The following FAM161A variants were observed in gnomAD, a reference collection of about 807,000 sequenced individuals.
FAM161A encodes the protein protein FAM161A.
FAM161A carries 57 observed loss-of-function variants against 70.9 expected under a neutral mutation model. The ratio of observed to expected loss-of-function variants is 0.80; its 90% CI spans 0.65 to 1.00. FAM161A has a LOEUF of 1.00. Ranked by LOEUF, FAM161A falls within the 50% of genes least tolerant of loss-of-function variation. The probability of loss-of-function intolerance (pLI) is 0.00; values close to 1 mark genes in which losing one functional copy is unlikely to be tolerated. For synonymous variants in FAM161A, 299 were observed against 295.7 expected (o/e 1.01, Z -0.12); for missense variants, 880 against 836.0 (o/e 1.05, Z -0.65).
intron 1 of FAM161A, among the ~76,000 whole-genome samples, chr2:61,850,558 G>A (rs1057152867): frequency 6.6e-6 from 1 of 151,914 alleles, no homozygotes; most frequent in Admixed American, 6.6e-5. Context: ...TTCGAGACCA[G>A]CCTGGGGAAC....
the FAM161A span, among the ~76,000 whole-genome samples, chr2:61,806,287 C>T: frequency 1.3e-5 from 2 of 152,120 alleles, no homozygotes; most frequent in African/African-American, 4.8e-5. Context: ...TTTGAGGGCG[C>T]CATCGCTACT....
chr2:61,831,044 G>A (rs917935217), intron 5 of FAM161A, among the ~76,000 whole-genome samples: 6 of 149,560 alleles, frequency 4.0e-5, no homozygotes, highest in African/African-American at 9.8e-5. Flanking sequence ...CCCGGGAGGC[G>A]GAGGTTCCAG....
the FAM161A span, among the ~76,000 whole-genome samples, chr2:61,808,942 G>C: frequency 2.2e-3 from 338 of 151,050 alleles, 1 homozygote; most frequent in Non-Finnish European, 3.6e-3. Flanking sequence ...GTGTGATCTC[G>C]GCTCACTGCA....
At chr2:61,816,661 G>A in the FAM161A span, among the ~76,000 whole-genome samples, 4 of 152,034 alleles carry the variant, frequency 2.6e-5, no homozygotes, top group African/African-American at 9.7e-5. Flanking sequence ...CGGGGCGGGG[G>A]GGTCTTGCTA....
the FAM161A span, among the ~76,000 whole-genome samples, chr2:61,806,754 G>A: frequency 1.5e-5 from 2 of 132,138 alleles, no homozygotes; most frequent in South Asian, 2.4e-4. Flanking sequence ...GTGCAGTGGC[G>A]CCATCTCGGC....
chr2:61,829,128 G>A (rs551198424), intron 5 of FAM161A, among the ~76,000 whole-genome samples: 23 of 152,242 alleles, frequency 1.5e-4, no homozygotes, highest in South Asian at 1.2e-3. Flanking sequence ...AGTCTCCCCC[G>A]GCCCCCGCCT....
At chr2:61,834,878 A>C (rs1672714659) in intron 5 of FAM161A, among the ~76,000 whole-genome samples, 1 of 152,188 alleles carries the variant, frequency 6.6e-6, no homozygotes, top group Non-Finnish European at 1.5e-5. Flanking sequence ...AGCAAAAACA[A>C]AAAACTTGCA....
chr2:61,841,770 G>T (rs1222821040), intron 2 of FAM161A, among the ~76,000 whole-genome samples: 2 of 152,280 alleles, frequency 1.3e-5, no homozygotes, highest in East Asian at 3.9e-4. Flanking sequence ...TGAACTCTTT[G>T]TACTAGATCT....
chr2:61,839,012 A>G (rs1672891764), intron 3 of FAM161A, among the ~76,000 whole-genome samples: 1 of 151,582 alleles, frequency 6.6e-6, no homozygotes, highest in African/African-American at 2.4e-5. Flanking sequence ...CCTCCTGAGT[A>G]GCTGGGATTA....
chr2:61,812,870 C>T, the FAM161A span, among the ~76,000 whole-genome samples: 1 of 151,900 alleles, frequency 6.6e-6, no homozygotes, highest in Non-Finnish European at 1.5e-5. Context: ...GAGATCAAGA[C>T]CATGCTGGCT....
chr2:61,840,139 C>A lies in FAM161A; in HGVS notation c.865G>T (p.Ala289Ser). The change falls in exon 3 of 7, where the codon GCA (alanine) becomes TCA (serine). Residue 289 changes from alanine to serine, a missense_variant. Transcript: ENST00000404929. ...KKKFRANPVP[A>S]SVFLPLYHDL... Reference sequence around the variant, plus strand: ...TGGTAAAGGGGGAGAAAGACAGATGCAGGAACTGGATTGGCTCGGAATTTC... The same window carrying A: ...TGGTAAAGGGGGAGAAAGACAGATGAAGGAACTGGATTGGCTCGGAATTTC... 2 of 1,614,136 alleles carry A rather than the reference C, an allele frequency of 1.2e-6. No individual in the cohort carries two copies. Among genetic ancestry groups the A allele is most frequent in the Non-Finnish European group, 1.7e-6 (2 of 1,180,026 alleles).
At chr2:61,806,817 C>G in the FAM161A span, among the ~76,000 whole-genome samples, 1 of 151,160 alleles carries the variant, frequency 6.6e-6, no homozygotes, top group Non-Finnish European at 1.5e-5. Context: ...CTCAGCCTCC[C>G]GAGTAGCTGG....
At position 61,840,351 on chromosome 2, in the gene FAM161A, C is replaced by T. The variant is rs768722825; in HGVS notation, c.653G>A (p.Gly218Asp). ...CCTTCTTTTTTCAGCTGCATGGAAG[C>T]CAGTATCTTTACAGCGAATATAATC... ...VEDYIRCKDTGFHAAEKRRKK... is the reference protein window; with the variant it reads ...VEDYIRCKDTDFHAAEKRRKK... The change falls in exon 3 of 7, where the codon GGC becomes GAC. Residue 218 changes from glycine (G) to aspartate (D), a missense_variant. Transcript: ENST00000404929. 10 of 1,614,064 alleles carry T rather than the reference C, an allele frequency of 6.2e-6. No individual in the cohort carries two copies. The South Asian group carries it at 1.1e-4, about 18-fold the overall frequency.
the FAM161A span, among the ~76,000 whole-genome samples, chr2:61,801,192 C>A: frequency 6.6e-6 from 1 of 152,026 alleles, no homozygotes; most frequent in Non-Finnish European, 1.5e-5. Context: ...TCTTAAAGAA[C>A]ACCACTTTAA....
chr2:61,800,458 C>T, the FAM161A span, among the ~76,000 whole-genome samples: 1 of 152,186 alleles, frequency 6.6e-6, no homozygotes, highest in African/African-American at 2.4e-5. Flanking sequence ...GCTCCCGGTA[C>T]CGTCGTTAGA....
chr2:61,848,088 G>T (rs1327588297), intron 1 of FAM161A, among the ~76,000 whole-genome samples: 1 of 152,112 alleles, frequency 6.6e-6, no homozygotes, highest in Non-Finnish European at 1.5e-5. Context: ...TTAAGCAAAA[G>T]AATCTATGCG....
At chr2:61,819,282 C>A in the FAM161A span, among the ~76,000 whole-genome samples, 1 of 152,096 alleles carries the variant, frequency 6.6e-6, no homozygotes, top group Admixed American at 6.5e-5. Flanking sequence ...GGCAACATGG[C>A]AAAACCTGTC....
chr2:61,848,962 TTATATA>T (rs367752780), intron 1 of FAM161A, among the ~76,000 whole-genome samples: 17 of 702 alleles, frequency 0.024, 3 homozygotes, highest in African/African-American at 0.031. Context: ...ATATATATAT[TTATATA>T]TATATATATT....
At chr2:61,851,997 GCCAA>G (rs2105107826) in intron 1 of FAM161A, among the ~76,000 whole-genome samples, 1 of 152,274 alleles carries the variant, frequency 6.6e-6, no homozygotes, top group South Asian at 2.1e-4. Context: ...GGAGACCCAA[GCCAA>G]CCAGTGAAGA....
Sources: gnomAD v4.1 joint callset for allele counts (sites outside exome capture counted in the v4.1 genomes callset) on GRCh38, gnomAD v4.1.1 for gene constraint, MANE v1.5 for transcripts, NCBI Gene and HGNC (gene_info 2026-07-23, HGNC 2026-07-21) for gene names.